C3orf70: variants seen among roughly 807,000 people sequenced by gnomAD.
C3orf70 encodes chromosome 3 open reading frame 70, also known as UPF0524 protein C3orf70.
C3orf70 carries 15 observed loss-of-function variants against 20.7 expected under a neutral mutation model. The observed-to-expected ratio is 0.72, with a 90% CI of 0.48 to 1.11. The LOEUF (loss-of-function observed/expected upper bound fraction) is 1.11, where lower values mean the gene tolerates loss of function less well. Among genes scored for constraint, C3orf70 ranks in the 50% most tolerant of loss-of-function variants. The pLI is 0.00. For synonymous variants in C3orf70, 161 were observed against 125.7 expected, an observed-to-expected ratio of 1.28 and a Z score of -1.88; for missense variants, 332 against 317.6, an observed-to-expected ratio of 1.05 and a Z score of -0.34.
intron 1 of C3orf70, among the ~76,000 whole-genome samples, chr3:185,117,476 G>A (rs1716205175): frequency 6.7e-6 from 1 of 150,208 alleles, no homozygotes; most frequent in South Asian, 2.1e-4. Flanking sequence ...GAGAGAGAGA[G>A]AGAAAAGCCA....
At chr3:185,139,425 C>T (rs964092842) in intron 1 of C3orf70, among the ~76,000 whole-genome samples, 53 of 151,592 alleles carry the variant, frequency 3.5e-4, no homozygotes, top group African/African-American at 1.2e-3. Context: ...TGGTGGTGCA[C>T]GCCTGTAATC....
At chr3:185,109,490 C>T (rs1465978006) in intron 1 of C3orf70, among the ~76,000 whole-genome samples, 2 of 150,028 alleles carry the variant, frequency 1.3e-5, no homozygotes, top group African/African-American at 5.1e-5. Context: ...CTGAGGAGGA[C>T]CCCAACTGAC....
intron 1 of C3orf70, among the ~76,000 whole-genome samples, chr3:185,117,493 T>C (rs13433870): frequency 6.6e-6 from 1 of 150,998 alleles, no homozygotes; most frequent in Non-Finnish European, 1.5e-5. Context: ...GCCACTGATA[T>C]GGCAGAACTG....
At chr3:185,124,716 T>C (rs529100837) in intron 1 of C3orf70, among the ~76,000 whole-genome samples, 84 of 152,216 alleles carry the variant, frequency 5.5e-4, no homozygotes, top group African/African-American at 2.0e-3. Flanking sequence ...AACTCCTCAC[T>C]AGACAGTGTA....
chr3:185,116,059 A>T (rs556885594), intron 1 of C3orf70, among the ~76,000 whole-genome samples: 1 of 152,332 alleles, frequency 6.6e-6, no homozygotes, highest in African/African-American at 2.4e-5. Context: ...CAGTGCTGCT[A>T]TGCCTAGGTG....
chr3:185,109,100 G>T (rs550511332), intron 1 of C3orf70, among the ~76,000 whole-genome samples: 2 of 152,168 alleles, frequency 1.3e-5, no homozygotes, highest in Non-Finnish European at 2.9e-5. Flanking sequence ...CCCTAAAACA[G>T]CAGTTGCAAA....
intron 1 of C3orf70, among the ~76,000 whole-genome samples, chr3:185,108,784 T>C (rs1412472963): frequency 6.6e-6 from 1 of 152,246 alleles, no homozygotes; most frequent in East Asian, 1.9e-4. Flanking sequence ...CCTAACTCTC[T>C]TTGGCAAATG....
intron 1 of C3orf70, among the ~76,000 whole-genome samples, chr3:185,102,354 G>T (rs947781203): frequency 6.6e-6 from 1 of 152,128 alleles, no homozygotes; most frequent in African/African-American, 2.4e-5. Flanking sequence ...GCTAACCAGG[G>T]AGGTGAAAGA....
At chr3:185,083,686 TAATAA>T in intron 1 of C3orf70, 123 bp from the exon 2 acceptor site, 1 of 755,344 alleles carries the variant, frequency 1.3e-6, no homozygotes, top group South Asian at 2.4e-5. Context: ...AAGAAACTAG[TAATAA>T]AATCATTCAA....
chr3:185,121,171 T>A (rs368817513), intron 1 of C3orf70, among the ~76,000 whole-genome samples: 2 of 152,004 alleles, frequency 1.3e-5, no homozygotes, highest in Non-Finnish European at 2.9e-5. Context: ...TAAATGGAGC[T>A]AAGCTATGAG....
In C3orf70 at chr3:185,082,948, C is replaced by A. The variant is rs1211925173; in HGVS notation, c.*59G>T. On this transcript the variant is annotated 3_prime_UTR_variant, in exon 2 of 2. Coordinates refer to ENST00000335012, the MANE Select transcript of C3orf70 (RefSeq NM_001025266.3). Reference sequence around the variant, plus strand: ...CAACAGCATTGGAAAAAAGGATCCACCAGACAAAGGTACAAAAGCTCGGCG... The same window carrying A: ...CAACAGCATTGGAAAAAAGGATCCAACAGACAAAGGTACAAAAGCTCGGCG... 2.6e-5 allele frequency: 39 copies of A among 1,526,432 alleles called. No homozygotes were observed. Among genetic ancestry groups the A allele is most frequent in the Non-Finnish European group, 3.4e-5 (38 of 1,127,568 alleles). 94.6% of individuals were successfully genotyped at this position (1,526,432 alleles called of 1,614,324 possible). A position where few individuals can be genotyped will look rare whatever the true frequency, so the allele number is the denominator to read the frequency against.
At chr3:185,133,392 T>TA (rs1462314910) in intron 1 of C3orf70, among the ~76,000 whole-genome samples, 1 of 152,182 alleles carries the variant, frequency 6.6e-6, no homozygotes, top group African/African-American at 2.4e-5. Flanking sequence ...ACATTATTTG[T>TA]AAAAGTAAAA....
At chr3:185,118,029 T>C (rs541284645) in intron 1 of C3orf70, among the ~76,000 whole-genome samples, 1 of 152,316 alleles carries the variant, frequency 6.6e-6, no homozygotes, top group South Asian at 2.1e-4. Flanking sequence ...ATCACAACTA[T>C]AGTTTTTACA....
chr3:185,109,760 C>T (rs1273853724), intron 1 of C3orf70, among the ~76,000 whole-genome samples: 2 of 152,170 alleles, frequency 1.3e-5, no homozygotes, highest in African/African-American at 2.4e-5. Context: ...GACACAGTTA[C>T]ACACGCTTTC....
At chr3:185,149,310 T>G (rs909038401) in intron 1 of C3orf70, among the ~76,000 whole-genome samples, 7 of 150,626 alleles carry the variant, frequency 4.6e-5, no homozygotes. Flanking sequence ...GAGAATCACT[T>G]GAACCCGGGA....
chr3:185,099,066 G>T (rs4686509), intron 1 of C3orf70, among the ~76,000 whole-genome samples: 16,500 of 152,166 alleles, frequency 0.11, 1,069 homozygotes, highest in East Asian at 0.23. Flanking sequence ...ACCTGCAGTG[G>T]TAAGATATAG....
chr3:185,115,460 A>G (rs1300790509), intron 1 of C3orf70, among the ~76,000 whole-genome samples: 6 of 152,136 alleles, frequency 3.9e-5, no homozygotes, highest in Non-Finnish European at 8.8e-5. Flanking sequence ...GTATCCTTCC[A>G]TATGGAGAGA....
At position 185,133,210 on chromosome 3, in the gene C3orf70, C is replaced by T. The variant is rs138387907; in HGVS notation, c.196+19418G>A. Among the ~76,000 whole-genome samples, 332 of 152,308 alleles carry T rather than the reference C, an allele frequency of 2.2e-3. 1 individual carries two copies. The highest frequency in any genetic ancestry group is 7.6e-3 in the African/African-American group (318 of 41,574). On this transcript the variant is annotated intron_variant, in intron 1 of 1. Transcript: ENST00000335012. ...AGCTATGAGAAAACAGGCATTCTTA[C>T]ATGTTGCTGGTGGGAGGGCAAATGG...
At chr3:185,130,998 A>T (rs62289821) in intron 1 of C3orf70, among the ~76,000 whole-genome samples, 9,018 of 152,272 alleles carry the variant, frequency 0.059, 374 homozygotes, top group South Asian at 0.1. Context: ...GCTAAGTCAT[A>T]TGGTAACCCT....
Sources: gnomAD v4.1 joint callset for allele counts (sites outside exome capture counted in the v4.1 genomes callset) on GRCh38, gnomAD v4.1.1 for gene constraint, MANE v1.5 for transcripts, NCBI Gene and HGNC (gene_info 2026-07-23, HGNC 2026-07-21) for gene names.